The following TP53BP1 variants were observed in gnomAD, a reference collection of about 807,000 sequenced individuals.
The protein encoded by TP53BP1 is tumor protein p53 binding protein 1, also known as TP53-binding protein 1.
In TP53BP1, 61 loss-of-function variants were observed where a neutral mutation model predicts 200.8. The observed-to-expected ratio is 0.30, with a 90% CI of 0.25 to 0.38. TP53BP1 has a LOEUF of 0.38. Among genes scored for constraint, TP53BP1 ranks in the 10% least tolerant of loss-of-function variants. The pLI is 1.00. For synonymous variants in TP53BP1, 822 were observed against 844.3 expected (o/e 0.97, Z 0.46); for missense variants, 2,144 against 2,371.9 (o/e 0.90, Z 2.00).
chr15:43,421,817 C>G, intron 19 of TP53BP1, 38 bp downstream of exon 19: 1 of 1,610,666 alleles, frequency 6.2e-7, no homozygotes, highest in South Asian at 1.1e-5. Context: ...AACCCTGCCC[C>G]TGCTGTGGCT....
intron 1 of TP53BP1, among the ~76,000 whole-genome samples, chr15:43,507,355 G>A (rs1050236254): frequency 6.6e-6 from 1 of 152,034 alleles, no homozygotes; most frequent in African/African-American, 2.4e-5. Context: ...GGCTGGTCTC[G>A]AACTCCTGAC....
At chr15:43,460,134 A>G (rs534462347) in intron 11 of TP53BP1, among the ~76,000 whole-genome samples, 4 of 152,356 alleles carry the variant, frequency 2.6e-5, no homozygotes, top group African/African-American at 9.6e-5. Context: ...TATTTTTAAA[A>G]AGAGAAATTA....
intron 4 of TP53BP1, among the ~76,000 whole-genome samples, chr15:43,485,690 A>G (rs2079037878): frequency 6.6e-6 from 1 of 151,858 alleles, no homozygotes; most frequent in Non-Finnish European, 1.5e-5. Context: ...TAAAAATACA[A>G]AAATTAGCCA....
At chr15:43,429,887 G>A (rs1483604068) in intron 17 of TP53BP1, among the ~76,000 whole-genome samples, 2 of 152,164 alleles carry the variant, frequency 1.3e-5, no homozygotes, top group Non-Finnish European at 2.9e-5. Context: ...CCGCACTAAA[G>A]AGAAAGTCAG....
At chr15:43,432,814 A>G in intron 16 of TP53BP1, 137 bp from the exon 17 acceptor site, 2 of 943,294 alleles carry the variant, frequency 2.1e-6, no homozygotes, top group Non-Finnish European at 1.5e-6. Context: ...TAAGGAAGGG[A>G]GAAAGTCAGG....
At chr15:43,467,813 C>A (rs1350629169) in intron 11 of TP53BP1, among the ~76,000 whole-genome samples, 1 of 150,450 alleles carries the variant, frequency 6.6e-6, no homozygotes, top group Non-Finnish European at 1.5e-5. Context: ...TAAGACAGGG[C>A]CTCACTGTTG....
rs758354934 is a variant in TP53BP1, at chr15:43,477,758, A to T, written c.790T>A (p.Ser264Thr). The change falls in exon 8 of 28, where the codon TCA becomes ACA. Residue 264 changes from serine to threonine, a missense_variant and splice_region_variant. Physicochemically the swap from Ser to Thr is moderately conservative, Grantham distance 58. Around this residue, in one of 4 missense-constraint regions of TP53BP1, gnomAD observed 1,700 missense variants for 1,710.3 expected, o/e 0.99. Transcript: ENST00000382044. ...TTGGGGCTAAAAGGCATGTCCTCTG[A>T]CCTAGGAAATTCATATCACCAGGAG... Reference protein sequence around the residue: ...VKEQNPPPARSEDMPFSPKAS... With the variant: ...VKEQNPPPARTEDMPFSPKAS... 7 of 1,549,972 alleles carry T rather than the reference A, an allele frequency of 4.5e-6. No homozygotes were observed. The highest frequency in any genetic ancestry group is 6.1e-6 in the Non-Finnish European group (7 of 1,151,282).
At position 43,413,421 on chromosome 15, in the gene TP53BP1, C is replaced by G. The variant is rs1595522290; in HGVS notation, c.5090-87G>C. ...AACACCAAAAGGCCCCAGCACCAAG[C>G]ATGACCTGATGGGCAGGCACTGTCC... On this transcript the variant is annotated intron_variant, in intron 23 of 27. Transcript: ENST00000382044. 3 of 1,096,942 alleles carry G rather than the reference C, an allele frequency of 2.7e-6. No homozygotes were observed. The East Asian group carries it at 7.7e-5, about 28-fold the overall frequency. 68.0% of individuals were successfully genotyped at this position (1,096,942 alleles called of 1,614,324 possible).
intron 18 of TP53BP1, among the ~76,000 whole-genome samples, chr15:43,426,992 T>C (rs1167670006): frequency 7.1e-6 from 1 of 139,950 alleles, no homozygotes; most frequent in East Asian, 2.1e-4. Context: ...CACTCTAGCC[T>C]GGGCAACAGA....
chr15:43,453,458 T>C (rs777103791), intron 12 of TP53BP1, among the ~76,000 whole-genome samples: 1 of 152,084 alleles, frequency 6.6e-6, no homozygotes, highest in African/African-American at 2.4e-5. Flanking sequence ...CCTCTATCAT[T>C]AACTAGCCAA....
At chr15:43,483,876 A>G (rs2140135396) in intron 4 of TP53BP1, among the ~76,000 whole-genome samples, 1 of 152,302 alleles carries the variant, frequency 6.6e-6, no homozygotes, top group South Asian at 2.1e-4. Context: ...AAATGCTGGT[A>G]GGCTCCGTGA....
intron 1 of TP53BP1, among the ~76,000 whole-genome samples, chr15:43,509,751 T>C (rs1314301969): frequency 6.6e-6 from 1 of 152,122 alleles, no homozygotes; most frequent in African/African-American, 2.4e-5. Context: ...AATCAGAACG[T>C]GGCTCACAGG....
Position 43,460,867 on chromosome 15 carries a change from A to G in TP53BP1, c.1390-3649T>C, listed in dbSNP as rs1020319835. Among the ~76,000 whole-genome samples the G allele has an allele frequency of 2.9e-4, 44 of 152,008 alleles. 1 individual carries two copies. The highest frequency in any genetic ancestry group is 8.8e-5 in the Non-Finnish European group (6 of 68,018). ...GTGAGACCCTGTCTCTACCAAAAAA[A>G]AAAAAAACATTAGCTGAGTGTGGTG... On this transcript the variant is annotated intron_variant, in intron 11 of 27. Coordinates refer to ENST00000382044, the MANE Select transcript of TP53BP1 (RefSeq NM_001141980.3).
chr15:43,414,229 C>G (rs1453345077), intron 23 of TP53BP1: 7 of 413,966 alleles, frequency 1.7e-5, no homozygotes, highest in Non-Finnish European at 3.5e-5. Flanking sequence ...CTTACTTTGT[C>G]ATCTTGGGAA....
At chr15:43,491,804 T>C in intron 3 of TP53BP1, 51 bp from the exon 4 acceptor site, 1 of 1,437,692 alleles carries the variant, frequency 7.0e-7, no homozygotes, top group Non-Finnish European at 9.8e-7. Context: ...CAACAAACCT[T>C]AATACAAAAT....
rs559881889 is a variant in TP53BP1, at chr15:43,461,510, G to A, written c.1390-4292C>T. Among the ~76,000 whole-genome samples the A allele has an allele frequency of 1.5e-4, 23 of 152,074 alleles. No individual in the cohort carries two copies. The East Asian group carries it at 2.5e-3, about 17-fold the overall frequency. On this transcript the variant is annotated intron_variant, in intron 11 of 27. Coordinates refer to ENST00000382044, the MANE Select transcript of TP53BP1 (RefSeq NM_001141980.3). Reference sequence around the variant, plus strand: ...TGGGATTACGGGCATGAGCTACCTCGTCCGGCCAAGATAATAATTTTTAAA... The same window carrying A: ...TGGGATTACGGGCATGAGCTACCTCATCCGGCCAAGATAATAATTTTTAAA...
intron 12 of TP53BP1, among the ~76,000 whole-genome samples, chr15:43,455,008 G>C (rs1453412281): frequency 6.6e-6 from 1 of 152,204 alleles, no homozygotes; most frequent in Non-Finnish European, 1.5e-5. Flanking sequence ...AGGATTACAG[G>C]CGTGAGCCAC....
intron 10 of TP53BP1, among the ~76,000 whole-genome samples, chr15:43,472,234 T>A (rs898815651): frequency 1.3e-5 from 2 of 152,196 alleles, no homozygotes; most frequent in African/African-American, 4.8e-5. Flanking sequence ...ACCTCCTTCT[T>A]AGGATGTTTG....
At chr15:43,460,292 G>A (rs778877184) in intron 11 of TP53BP1, among the ~76,000 whole-genome samples, 3 of 152,018 alleles carry the variant, frequency 2.0e-5, no homozygotes, top group East Asian at 1.9e-4. Flanking sequence ...ACAAGGTCTC[G>A]CTCTGCCAGC....
Sources: gnomAD v4.1 joint callset for allele counts (sites outside exome capture counted in the v4.1 genomes callset) on GRCh38, gnomAD v4.1.1 for gene constraint, gnomAD v4.1.1 regional missense constraint, MANE v1.5 for transcripts, NCBI Gene and HGNC (gene_info 2026-07-23, HGNC 2026-07-21) for gene names.